Variants in TMEM131 observed in about 807,000 individuals in gnomAD.
TMEM131 encodes 2610524E03Rik.
Under a neutral mutation model 211.6 loss-of-function variants are expected in TMEM131, and 66 were observed. That is an observed-to-expected ratio of 0.31 (90% CI 0.26 to 0.38). The LOEUF is 0.38. Among genes scored for constraint, TMEM131 ranks in the 10% least tolerant of loss-of-function variants. The pLI is 1.00. For synonymous variants in TMEM131, 844 were observed against 841.3 expected (o/e 1.00, Z -0.06); for missense variants, 2,036 against 2,299.3 (o/e 0.89, Z 2.34).
rs746126742 is a variant in TMEM131, at chr2:97,833,449, A to G, written c.1013-23T>C. ...GATCTGTTAAAATTGAGGAAAAGAAATATTTCTTAAAAAGGTGCTTTTTAG... is the reference window on the plus strand; with the variant it reads ...GATCTGTTAAAATTGAGGAAAAGAAGTATTTCTTAAAAAGGTGCTTTTTAG... On this transcript the variant is annotated intron_variant, in intron 10 of 40. Transcript: ENST00000186436. The G allele has an allele frequency of 1.9e-4, 217 of 1,156,088 alleles. No homozygotes were observed. The East Asian group carries it at 4.7e-3, about 25-fold the overall frequency. 71.6% of individuals were successfully genotyped at this position (1,156,088 alleles called of 1,614,324 possible). A position where few individuals can be genotyped will look rare whatever the true frequency, so the allele number is the denominator to read the frequency against.
chr2:97,932,839 TA>T (rs1431030064), intron 1 of TMEM131, among the ~76,000 whole-genome samples: 2 of 147,202 alleles, frequency 1.4e-5, no homozygotes, highest in Admixed American at 1.3e-4. Context: ...ATGATAAACC[TA>T]AATAGGCTGA....
chr2:97,861,870 C>T (rs1480425288), intron 4 of TMEM131, among the ~76,000 whole-genome samples: 1 of 152,122 alleles, frequency 6.6e-6, no homozygotes, highest in Non-Finnish European at 1.5e-5. Context: ...GTCCTAGGGC[C>T]TTGAAGAAAC....
intron 11 of TMEM131, among the ~76,000 whole-genome samples, chr2:97,831,542 G>A (rs1035933488): frequency 5.3e-5 from 8 of 151,362 alleles, no homozygotes; most frequent in Admixed American, 5.3e-4. Flanking sequence ...AGGTACAGAT[G>A]TATTATATTA....
chr2:97,878,869 G>A (rs1674803811), intron 4 of TMEM131, among the ~76,000 whole-genome samples: 1 of 151,830 alleles, frequency 6.6e-6, no homozygotes, highest in Non-Finnish European at 1.5e-5. Flanking sequence ...ATAATAATGA[G>A]CAAACAAACA....
chr2:97,880,078 T>C (rs1048228055), intron 4 of TMEM131, among the ~76,000 whole-genome samples: 6 of 151,696 alleles, frequency 4.0e-5, no homozygotes, highest in African/African-American at 1.5e-4. Context: ...CCTGAGTTTA[T>C]GTTAAAAGTA....
chr2:97,930,450 GA>G (rs927787797), intron 1 of TMEM131, among the ~76,000 whole-genome samples: 6 of 151,710 alleles, frequency 4.0e-5, no homozygotes, highest in African/African-American at 7.3e-5. Context: ...TAAAAAGTAT[GA>G]GTTATGTTAA....
At chr2:97,965,262 CG>C (rs760286612) in intron 1 of TMEM131, among the ~76,000 whole-genome samples, 5 of 152,150 alleles carry the variant, frequency 3.3e-5, no homozygotes, top group Admixed American at 6.5e-5. Context: ...GAATGACTGA[CG>C]AGTTCTCCTT....
chr2:97,976,884 C>A (rs1424572585), intron 1 of TMEM131, among the ~76,000 whole-genome samples: 1 of 137,318 alleles, frequency 7.3e-6, no homozygotes, highest in Non-Finnish European at 1.5e-5. Context: ...AGTACAAGCA[C>A]AATACAGTGG....
intron 1 of TMEM131, among the ~76,000 whole-genome samples, chr2:97,953,765 C>T (rs1019641538): frequency 1.6e-4 from 24 of 152,170 alleles, no homozygotes; most frequent in African/African-American, 5.8e-4. Flanking sequence ...GGTCATAAAA[C>T]AAACCCCAAC....
At chr2:97,884,689 T>C (rs1469470727) in intron 4 of TMEM131, among the ~76,000 whole-genome samples, 1 of 152,254 alleles carries the variant, frequency 6.6e-6, no homozygotes, top group Non-Finnish European at 1.5e-5. Context: ...TGTTGCTTTT[T>C]ATAGCTTTTT....
At chr2:97,898,740 T>C (rs1675723892) in intron 3 of TMEM131, among the ~76,000 whole-genome samples, 1 of 152,200 alleles carries the variant, frequency 6.6e-6, no homozygotes, top group Non-Finnish European at 1.5e-5. Context: ...GACTAAGATA[T>C]GTTGTACTTT....
intron 3 of TMEM131, among the ~76,000 whole-genome samples, chr2:97,895,238 A>T (rs191062283): frequency 6.6e-6 from 1 of 152,330 alleles, no homozygotes; most frequent in East Asian, 1.9e-4. Flanking sequence ...ATCGTGGTAG[A>T]TAAGCCTTTT....
At chr2:97,809,622 G>C in intron 19 of TMEM131, 66 bp downstream of exon 19, 1 of 1,077,468 alleles carries the variant, frequency 9.3e-7, no homozygotes, top group Non-Finnish European at 1.4e-6. Context: ...AAGATTCTAG[G>C]AACACAGAGC....
intron 4 of TMEM131, among the ~76,000 whole-genome samples, chr2:97,877,700 T>G (rs576699391): frequency 6.6e-6 from 1 of 152,202 alleles, no homozygotes; most frequent in South Asian, 2.1e-4. Flanking sequence ...TATACAAAAA[T>G]AAACTCAAGA....
intron 38 of TMEM131, 120 bp from the exon 39 acceptor site, chr2:97,759,869 TA>T (rs1437792344): frequency 5.5e-6 from 4 of 721,408 alleles, no homozygotes; most frequent in African/African-American, 1.8e-5. Flanking sequence ...ACTCAAATAT[TA>T]AAAACAGACA....
chr2:97,883,050 C>A (rs1675001556), intron 4 of TMEM131, among the ~76,000 whole-genome samples: 1 of 152,028 alleles, frequency 6.6e-6, no homozygotes, highest in African/African-American at 2.4e-5. Flanking sequence ...CAGGTGACAC[C>A]TTCTAGCTGG....
chr2:97,797,013 T>C (rs1170247072), intron 26 of TMEM131, 27 bp from the exon 27 acceptor site: 1 of 1,601,790 alleles, frequency 6.2e-7, no homozygotes, highest in African/African-American at 1.3e-5. Context: ...ATTACAGATT[T>C]TTCTCTCATT....
Position 97,978,934 on chromosome 2 carries a change from G to A in TMEM131, c.187+16542C>T, listed in dbSNP as rs555523431. ...TGTGGCAGCTATAGCCTTAAAAAATGTATTTTTAAAATAAGACATGAAACT... is the reference window on the plus strand; with the variant it reads ...TGTGGCAGCTATAGCCTTAAAAAATATATTTTTAAAATAAGACATGAAACT... On this transcript the variant is annotated intron_variant, in intron 1 of 40. Coordinates refer to ENST00000186436, the MANE Select transcript of TMEM131 (RefSeq NM_015348.2). Among the ~76,000 whole-genome samples, 7 of 152,254 alleles carry A rather than the reference G, an allele frequency of 4.6e-5. No individual in the cohort carries two copies. In the East Asian group the frequency reaches 1.2e-3, roughly 25 times the overall value.
chr2:97,861,728 A>G (rs981973968), intron 4 of TMEM131, among the ~76,000 whole-genome samples: 1 of 152,102 alleles, frequency 6.6e-6, no homozygotes, highest in African/African-American at 2.4e-5. Context: ...TAGATTTCTA[A>G]GGTGTTTGAC....
Sources: allele counts gnomAD v4.1 joint callset (sites outside exome capture counted in the v4.1 genomes callset), GRCh38; gene constraint gnomAD v4.1.1; transcripts MANE v1.5; gene names NCBI Gene and HGNC (gene_info 2026-07-23, HGNC 2026-07-21).